Variants in KIF2A observed in about 807,000 individuals in gnomAD.
The protein encoded by KIF2A is kinesin-like protein KIF2A.
KIF2A carries 22 observed loss-of-function variants against 100.2 expected under a neutral mutation model. The ratio of observed to expected loss-of-function variants is 0.22; its 90% CI spans 0.16 to 0.31. The LOEUF (loss-of-function observed/expected upper bound fraction) is 0.31, where lower values mean the gene tolerates loss of function less well. Among genes scored for constraint, KIF2A ranks in the 10% least tolerant of loss-of-function variants. The pLI is 1.00. For synonymous variants in KIF2A, 268 were observed against 285.9 expected (o/e 0.94, Z 0.63); for missense variants, 495 against 898.7 (o/e 0.55, Z 5.74).
At chr5:62,329,337 T>C (rs1305905992) in intron 1 of KIF2A, among the ~76,000 whole-genome samples, 1 of 152,248 alleles carries the variant, frequency 6.6e-6, no homozygotes, top group African/African-American at 2.4e-5. Context: ...CCTTCTCTAA[T>C]GGCTTCTTGT....
At chr5:62,364,851 T>C (rs576237558) in intron 14 of KIF2A, among the ~76,000 whole-genome samples, 5 of 152,290 alleles carry the variant, frequency 3.3e-5, no homozygotes, top group Non-Finnish European at 7.4e-5. Context: ...TCCCAGCACT[T>C]TGGGAGGCCG....
chr5:62,362,111 T>C (rs1309949067), intron 11 of KIF2A, among the ~76,000 whole-genome samples: 1 of 151,740 alleles, frequency 6.6e-6, no homozygotes, highest in Non-Finnish European at 1.5e-5. Flanking sequence ...TTCTAGCACA[T>C]TGTTGGAGAT....
At chr5:62,309,452 G>T (rs997162675) in intron 1 of KIF2A, among the ~76,000 whole-genome samples, 1 of 152,226 alleles carries the variant, frequency 6.6e-6, no homozygotes, top group Non-Finnish European at 1.5e-5. Context: ...GCATTGGACA[G>T]TAGTGTTTCA....
intron 7 of KIF2A, among the ~76,000 whole-genome samples, chr5:62,355,479 A>G (rs1748054028): frequency 6.6e-6 from 1 of 152,176 alleles, no homozygotes; most frequent in African/African-American, 2.4e-5. Flanking sequence ...GTCCTTCTCG[A>G]AGCAAAACCT....
chr5:62,348,308 T>C (rs1747679858), intron 3 of KIF2A, 141 bp downstream of exon 3: 2 of 703,528 alleles, frequency 2.8e-6, no homozygotes, highest in South Asian at 2.3e-5. Context: ...TATTCATATA[T>C]ATACATACAT....
At chr5:62,382,727 A>T (rs569882984) in intron 20 of KIF2A, among the ~76,000 whole-genome samples, 1 of 146,044 alleles carries the variant, frequency 6.8e-6, no homozygotes, top group South Asian at 2.2e-4. Flanking sequence ...TCTACCTCCC[A>T]GGTTCAAGCA....
chr5:62,311,019 G>A lies in KIF2A; in HGVS notation c.64+4483G>A, dbSNP rs115006501. On this transcript the variant is annotated intron_variant, in intron 1 of 20. Transcript: ENST00000407818. ...GCGGGTCTCTTAGTCACAGTACTGT[G>A]ACTGTATTGATACATGTAATCTGAA... Among the ~76,000 whole-genome samples, 904 of 152,264 alleles carry A rather than the reference G, an allele frequency of 5.9e-3. 5 individuals carry two copies. Among genetic ancestry groups the A allele is most frequent in the Admixed American group, 0.01 (156 of 15,284 alleles).
chr5:62,317,608 T>C (rs1325543722), intron 1 of KIF2A, among the ~76,000 whole-genome samples: 1 of 152,224 alleles, frequency 6.6e-6, no homozygotes, highest in Non-Finnish European at 1.5e-5. Context: ...TTGTGCCCTA[T>C]TAATGTTCCG....
intron 1 of KIF2A, among the ~76,000 whole-genome samples, chr5:62,324,353 A>G (rs776493613): frequency 6.6e-6 from 1 of 152,236 alleles, no homozygotes; most frequent in Non-Finnish European, 1.5e-5. Context: ...AGAATTAGGA[A>G]AATCTATTCT....
chr5:62,338,205 G>C (rs1323745148), intron 1 of KIF2A, among the ~76,000 whole-genome samples: 7 of 152,156 alleles, frequency 4.6e-5, no homozygotes, highest in Admixed American at 3.9e-4. Flanking sequence ...GAATTTTCAG[G>C]AAATGGTCCT....
At chr5:62,356,739 A>G (rs1279620226) in intron 7 of KIF2A, among the ~76,000 whole-genome samples, 1 of 151,494 alleles carries the variant, frequency 6.6e-6, no homozygotes, top group African/African-American at 2.4e-5. Flanking sequence ...TAGAATAGAA[A>G]TGTTGACTTT....
At chr5:62,385,102 A>G (rs186209956) in intron 20 of KIF2A, among the ~76,000 whole-genome samples, 1 of 151,166 alleles carries the variant, frequency 6.6e-6, no homozygotes, top group East Asian at 2.0e-4. Context: ...AGATCGCACC[A>G]TTGCACTCAA....
intron 4 of KIF2A, among the ~76,000 whole-genome samples, chr5:62,352,270 TA>T (rs1248611966): frequency 6.6e-6 from 1 of 152,104 alleles, no homozygotes; most frequent in African/African-American, 2.4e-5. Context: ...TTCACATATA[TA>T]TTTTAAAGGA....
chr5:62,369,580 T>G (rs1191245009), intron 16 of KIF2A, among the ~76,000 whole-genome samples: 1 of 152,174 alleles, frequency 6.6e-6, no homozygotes, highest in Non-Finnish European at 1.5e-5. Context: ...ATCAGACACA[T>G]AATTGTTTCA....
intron 17 of KIF2A, 137 bp from the exon 18 acceptor site, chr5:62,373,549 CA>C (rs1265305961): frequency 1.1e-5 from 7 of 610,448 alleles, no homozygotes; most frequent in Non-Finnish European, 2.0e-5. Context: ...CTACAGATTT[CA>C]GATAAATTTT....
chr5:62,363,530 T>C (rs1214226961), intron 13 of KIF2A, among the ~76,000 whole-genome samples, 165 bp from the exon 14 acceptor site: 1 of 152,246 alleles, frequency 6.6e-6, no homozygotes, highest in African/African-American at 2.4e-5. Context: ...ATTGTATGAA[T>C]CTGGTTCTAT....
chr5:62,372,508 T>C lies in KIF2A; in HGVS notation c.1717T>C (p.Ser573Pro), dbSNP rs376147732. Residue 573 changes from serine (S) to proline (P), a missense_variant, in exon 17 of 21, where the codon TCT (serine) becomes CCT (proline). Around this residue, in one of 10 missense-constraint regions of KIF2A, gnomAD observed 100 missense variants for 138.2 expected, o/e 0.72. Transcript: ENST00000407818. ...SQGSGSRPDL[S>P]PSYEYDDFSP... ...GGGTAGTGGCAGTCGCCCTGATCTC[T>C]CTCCTTCTTATGAATATGACGACTT... 1.2e-6 allele frequency: 2 copies of C among 1,612,444 alleles called. No individual in the cohort carries two copies. Among genetic ancestry groups the C allele is most frequent in the African/African-American group, 2.7e-5 (2 of 74,914 alleles).
At chr5:62,341,026 T>G (rs10074357) in intron 1 of KIF2A, among the ~76,000 whole-genome samples, 2,437 of 151,982 alleles carry the variant, frequency 0.016, 72 homozygotes, top group African/African-American at 0.055. Context: ...GTTATCTGAT[T>G]AATTGGCAAA....
At chr5:62,307,103 G>C (rs906285987) in intron 1 of KIF2A, 3 of 139,472 alleles carry the variant, frequency 2.2e-5, no homozygotes, top group Admixed American at 7.3e-5. Flanking sequence ...TTTCGTCGTC[G>C]ACCATGCTGC....
Sources: allele counts gnomAD v4.1 joint callset (sites outside exome capture counted in the v4.1 genomes callset), GRCh38; gene constraint gnomAD v4.1.1; regional missense constraint gnomAD v4.1.1; transcripts MANE v1.5; gene names NCBI Gene and HGNC (gene_info 2026-07-23, HGNC 2026-07-21).